Variants in TNPO3 observed in about 807,000 individuals in gnomAD.
TNPO3 encodes the protein transportin-3.
A neutral mutation model predicts 122.8 loss-of-function variants in TNPO3; 65 were observed. That is an observed-to-expected ratio of 0.53 (90% CI 0.43 to 0.65). The LOEUF (loss-of-function observed/expected upper bound fraction) is 0.65. TNPO3 is among the 30% of genes least tolerant of loss of function. The pLI is 0.00. For synonymous variants in TNPO3, 372 were observed against 411.2 expected (o/e 0.90, Z 1.15); for missense variants, 850 against 1,136.7 (o/e 0.75, Z 3.63).
chr7:129,051,017 G>A (rs1292820584), intron 1 of TNPO3, among the ~76,000 whole-genome samples: 3 of 152,090 alleles, frequency 2.0e-5, no homozygotes, highest in African/African-American at 7.2e-5. Context: ...GCAGGGAAAT[G>A]GAGGGCTCTT....
chr7:128,956,569 T>C (rs1796918597), intron 22 of TNPO3, among the ~76,000 whole-genome samples: 1 of 152,184 alleles, frequency 6.6e-6, no homozygotes, highest in African/African-American at 2.4e-5. Context: ...CGAATGAGCA[T>C]TGGAGCATTT....
rs1181563804 is a variant in TNPO3, at chr7:129,001,133, G to A, written c.798C>T (p.Ala266=). 2 of 1,614,138 alleles carry A rather than the reference G, an allele frequency of 1.2e-6. No individual in the cohort carries two copies. The highest frequency in any genetic ancestry group is 1.7e-6 in the Non-Finnish European group (2 of 1,180,008). Residue 266 remains alanine (A), a synonymous_variant, in exon 6 of 23, where the codon GCC becomes GCT. Transcript: ENST00000265388. ...IENVETNLPL[A]MQLFQGVLTL... ...TCAGCACTCCCTGAAAAAGTTGCAT[G>A]GCTAATGGCAAGTTAGTCTCCACAT...
rs1370256644 is a variant in TNPO3, at chr7:129,043,254, T to A, written c.120+11397A>T. Among the ~76,000 whole-genome samples, 20 of 150,182 alleles carry A rather than the reference T, an allele frequency of 1.3e-4. 1 individual carries two copies. The highest frequency in any genetic ancestry group is 4.9e-4 in the African/African-American group (20 of 40,754). ...AGTCTTTACAGGAAAAAAAAAAAAA[T>A]TAGCAGGATGTGATGGTGCGCACCT... On this transcript the variant is annotated intron_variant, in intron 1 of 22. Coordinates refer to ENST00000265388, the MANE Select transcript of TNPO3 (RefSeq NM_012470.4).
At chr7:129,010,160 C>T (rs1803027583) in intron 4 of TNPO3, among the ~76,000 whole-genome samples, 1 of 152,080 alleles carries the variant, frequency 6.6e-6, no homozygotes, top group South Asian at 2.1e-4. Flanking sequence ...CATTTTGCAA[C>T]CCATGATGAA....
intron 19 of TNPO3, among the ~76,000 whole-genome samples, 156 bp downstream of exon 19, chr7:128,972,270 A>G (rs924755111): frequency 5.3e-5 from 8 of 152,246 alleles, no homozygotes; most frequent in Non-Finnish European, 1.0e-4. Context: ...CAAGTGTCTT[A>G]GTTGATATTT....
In TNPO3 at chr7:128,982,233, A is replaced by T. The variant is rs561835365; in HGVS notation, c.1859+15T>A. 5 of 1,609,092 alleles carry T rather than the reference A, an allele frequency of 3.1e-6. No individual in the cohort carries two copies. The South Asian group carries it at 3.3e-5, about 11-fold the overall frequency. Reference sequence around the variant, plus strand: ...CCTTTAACCCAAGTAAGGCATCCAGAGTCTCCTTTCTTACCTAAATATCAC... The same window carrying T: ...CCTTTAACCCAAGTAAGGCATCCAGTGTCTCCTTTCTTACCTAAATATCAC... On this transcript the variant is annotated intron_variant, in intron 14 of 22. Transcript: ENST00000265388.
chr7:129,015,678 T>G (rs987691374), intron 3 of TNPO3, among the ~76,000 whole-genome samples: 18 of 151,768 alleles, frequency 1.2e-4, no homozygotes, highest in Non-Finnish European at 2.5e-4. Context: ...ATTCAAAATT[T>G]TTTAATCAGC....
intron 20 of TNPO3, 45 bp from the exon 21 acceptor site, chr7:128,967,437 T>C: frequency 7.7e-7 from 1 of 1,304,880 alleles, no homozygotes; most frequent in Non-Finnish European, 1.1e-6. Context: ...AAGCATAGCT[T>C]ACTCACCTGA....
At chr7:128,980,278 G>A (rs1372006041) in intron 14 of TNPO3, among the ~76,000 whole-genome samples, 1 of 152,176 alleles carries the variant, frequency 6.6e-6, no homozygotes, top group Non-Finnish European at 1.5e-5. Flanking sequence ...TGGGCTGTGA[G>A]GCACTATGGC....
chr7:129,035,617 G>A (rs1806550404), intron 1 of TNPO3, among the ~76,000 whole-genome samples: 1 of 151,368 alleles, frequency 6.6e-6, no homozygotes, highest in Non-Finnish European at 1.5e-5. Flanking sequence ...CCACGTCGGG[G>A]GGAAAAAAAA....
Position 129,014,976 on chromosome 7 carries a change from C to A in TNPO3, c.552+3G>T. 1 of 1,571,798 alleles carries A rather than the reference C, an allele frequency of 6.4e-7. No individual in the cohort carries two copies. The highest frequency in any genetic ancestry group is 1.2e-5 in the South Asian group (1 of 82,780). On this transcript the variant is annotated splice_donor_region_variant and intron_variant, in intron 4 of 22. Coordinates refer to ENST00000265388, the MANE Select transcript of TNPO3 (RefSeq NM_012470.4). ...AGCAACTTAGTATTTCAAACTTACTCACCAATAGAGATACTACTGTACTAG... is the reference window on the plus strand; with the variant it reads ...AGCAACTTAGTATTTCAAACTTACTAACCAATAGAGATACTACTGTACTAG...
intron 1 of TNPO3, among the ~76,000 whole-genome samples, chr7:129,037,794 C>A (rs902299502): frequency 1.3e-5 from 2 of 152,036 alleles, no homozygotes; most frequent in Non-Finnish European, 2.9e-5. Flanking sequence ...AAACCTCTAC[C>A]CCTAGGGGAC....
chr7:129,034,996 C>A (rs540460512), intron 1 of TNPO3, among the ~76,000 whole-genome samples: 1 of 151,658 alleles, frequency 6.6e-6, no homozygotes, highest in South Asian at 2.1e-4. Flanking sequence ...ACATATCGGC[C>A]GGGCGCGGTG....
chr7:129,021,126 C>A (rs955277642), intron 1 of TNPO3, among the ~76,000 whole-genome samples: 31 of 152,004 alleles, frequency 2.0e-4, no homozygotes, highest in Non-Finnish European at 4.4e-4. Context: ...GAGGCTAAGG[C>A]AGGCAGATCA....
intron 21 of TNPO3, among the ~76,000 whole-genome samples, chr7:128,958,644 A>G (rs1389755063): frequency 6.6e-6 from 1 of 152,240 alleles, no homozygotes; most frequent in Non-Finnish European, 1.5e-5. Context: ...AGGTTCCTAC[A>G]TCCAGATTTC....
intron 20 of TNPO3, 128 bp from the exon 21 acceptor site, chr7:128,967,520 T>A: frequency 1.6e-6 from 1 of 615,286 alleles, no homozygotes; most frequent in Non-Finnish European, 2.9e-6. Context: ...TGGGAGCAAG[T>A]AAAGGAATCA....
chr7:128,984,233 G>C lies in TNPO3; in HGVS notation c.1717C>G (p.Pro573Ala). 1.2e-6 allele frequency: 2 copies of C among 1,612,874 alleles called. No homozygotes were observed. The highest frequency in any genetic ancestry group is 1.7e-6 in the Non-Finnish European group (2 of 1,179,442). The change falls in exon 13 of 23, where the codon CCT becomes GCT. Residue 573 changes from proline (P) to alanine (A), a missense_variant. Transcript: ENST00000265388. ...KGTALVLARL[P>A]LDKITECLSE... ...AGACATTCGGTAATCTTATCCAAAG[G>C]TAATCGGGCTAGGACAAGTGCTGTC...
intron 21 of TNPO3, among the ~76,000 whole-genome samples, chr7:128,964,625 G>A (rs966119211): frequency 3.3e-5 from 5 of 152,048 alleles, no homozygotes; most frequent in East Asian, 3.9e-4. Flanking sequence ...GTGAGCCACC[G>A]CGCCTGGCCA....
chr7:129,054,258 A>G (rs997017078), intron 1 of TNPO3, among the ~76,000 whole-genome samples: 6 of 152,222 alleles, frequency 3.9e-5, no homozygotes, highest in African/African-American at 1.4e-4. Flanking sequence ...AGTCTTGGAC[A>G]CGGAGGGGAG....
Sources: allele counts gnomAD v4.1 joint callset (sites outside exome capture counted in the v4.1 genomes callset), GRCh38; gene constraint gnomAD v4.1.1; transcripts MANE v1.5; gene names NCBI Gene and HGNC (gene_info 2026-07-23, HGNC 2026-07-21).